The following DIAPH2 variants were observed in gnomAD, a reference collection of about 807,000 sequenced individuals.
The protein encoded by DIAPH2 is diaphanous related formin 2.
Under a neutral mutation model 92.7 loss-of-function variants are expected in DIAPH2, and 35 were observed. That is an observed-to-expected ratio of 0.38 (90% CI 0.29 to 0.50). The LOEUF (loss-of-function observed/expected upper bound fraction) is 0.50. Ranked by LOEUF, DIAPH2 falls within the 20% of genes least tolerant of loss-of-function variation. The pLI is 0.94. For missense variants in DIAPH2, 701 were observed against 819.5 expected (o/e 0.86, Z 1.77); for synonymous variants, 301 against 280.4 (o/e 1.07, Z -0.73).
intron 24 of DIAPH2, among the ~76,000 whole-genome samples, chrX:97,374,161 G>A (rs1324087740): frequency 9.0e-6 from 1 of 111,331 alleles, no homozygotes; most frequent in African/African-American, 3.3e-5. Flanking sequence ...AAATTAAAGG[G>A]TGGGACAGGG....
intron 19 of DIAPH2, among the ~76,000 whole-genome samples, chrX:97,095,437 G>A (rs2066861844): frequency 9.3e-6 from 1 of 107,259 alleles, no homozygotes; most frequent in South Asian, 4.0e-4. Context: ...TTCTTATCTA[G>A]ATTTTTAAAA....
intron 26 of DIAPH2, among the ~76,000 whole-genome samples, chrX:97,566,002 T>G (rs2071324746): frequency 8.9e-6 from 1 of 112,304 alleles, no homozygotes; most frequent in Non-Finnish European, 1.9e-5. Context: ...CAACACTTAG[T>G]ACTATGACGT....
chrX:97,068,538 C>G (rs1366389295), intron 17 of DIAPH2, among the ~76,000 whole-genome samples: 1 of 111,073 alleles, frequency 9.0e-6, no homozygotes, highest in Non-Finnish European at 1.9e-5. Flanking sequence ...ATTCAGAATA[C>G]AGTAGAAAAT....
At chrX:96,852,623 A>G (rs182312244) in intron 4 of DIAPH2, among the ~76,000 whole-genome samples, 2 of 111,482 alleles carry the variant, frequency 1.8e-5, no homozygotes, top group Non-Finnish European at 1.9e-5. Flanking sequence ...TTAGGGCTAG[A>G]GTGAGGGAGG....
intron 22 of DIAPH2, among the ~76,000 whole-genome samples, chrX:97,240,721 G>A (rs1416404358): frequency 9.0e-6 from 1 of 111,202 alleles, no homozygotes; most frequent in Non-Finnish European, 1.9e-5. Flanking sequence ...TTAATTCGTG[G>A]TAGCATGTAT....
chrX:97,109,879 T>C (rs922880053), intron 20 of DIAPH2, among the ~76,000 whole-genome samples: 1 of 111,877 alleles, frequency 8.9e-6, no homozygotes, highest in Non-Finnish European at 1.9e-5. Context: ...TTGTAGGAGA[T>C]GAATCAATGA....
At chrX:97,406,129 TTCCAGTG>T (rs1398294660) in intron 25 of DIAPH2, among the ~76,000 whole-genome samples, 1 of 112,226 alleles carries the variant, frequency 8.9e-6, no homozygotes, top group African/African-American at 3.2e-5. Flanking sequence ...TTTATTTTTG[TTCCAGTG>T]AAACAAAATG....
chrX:96,908,582 A>G (rs1377434670), intron 5 of DIAPH2, among the ~76,000 whole-genome samples: 2 of 110,928 alleles, frequency 1.8e-5, no homozygotes, highest in Non-Finnish European at 1.9e-5. Context: ...ATCTGTTTCA[A>G]CTGGATTCCT....
chrX:97,115,746 A>G (rs2067012421), intron 21 of DIAPH2, among the ~76,000 whole-genome samples: 1 of 111,704 alleles, frequency 9.0e-6, no homozygotes, highest in African/African-American at 3.2e-5. Flanking sequence ...GCATTAACTA[A>G]GAGGTAAAAA....
intron 26 of DIAPH2, among the ~76,000 whole-genome samples, chrX:97,598,897 G>C (rs1309504332): frequency 8.9e-6 from 1 of 112,105 alleles, no homozygotes; most frequent in Non-Finnish European, 1.9e-5. Flanking sequence ...GAATTGAAGT[G>C]CTTTCCAACA....
At chrX:97,025,697 TTACA>T (rs1346298685) in intron 17 of DIAPH2, among the ~76,000 whole-genome samples, 60 of 111,614 alleles carry the variant, frequency 5.4e-4, no homozygotes, top group African/African-American at 1.9e-3. Context: ...AAAAAAAAAG[TTACA>T]TACCCAGAGA....
intron 17 of DIAPH2, among the ~76,000 whole-genome samples, chrX:97,057,797 G>A (rs1304658796): frequency 9.0e-6 from 1 of 111,489 alleles, no homozygotes; most frequent in Admixed American, 9.5e-5. Context: ...TTCATTTGTT[G>A]ACTCAGATAG....
At chrX:97,552,565 CT>C (rs758110409) in intron 26 of DIAPH2, among the ~76,000 whole-genome samples, 2,335 of 95,274 alleles carry the variant, frequency 0.025, 30 homozygotes, top group African/African-American at 0.046. Flanking sequence ...ACACATTTTT[CT>C]TTTTTTTTTT....
At chrX:97,264,241 A>G (rs1413257905) in intron 23 of DIAPH2, among the ~76,000 whole-genome samples, 1 of 111,624 alleles carries the variant, frequency 9.0e-6, no homozygotes, top group Non-Finnish European at 1.9e-5. Flanking sequence ...TATGCCTAGA[A>G]GGCTTTTTTT....
intron 25 of DIAPH2, among the ~76,000 whole-genome samples, chrX:97,420,018 A>G (rs1426552890): frequency 9.0e-6 from 1 of 111,264 alleles, no homozygotes; most frequent in Non-Finnish European, 1.9e-5. Context: ...TTTTTTCCAG[A>G]GGCATAAACT....
At chrX:96,783,283 A>G (rs1421152339) in intron 4 of DIAPH2, among the ~76,000 whole-genome samples, 3 of 112,361 alleles carry the variant, frequency 2.7e-5, no homozygotes, top group African/African-American at 9.7e-5. Flanking sequence ...TTGTTAAGTC[A>G]TTGGTTTAAC....
Position 97,005,331 on chromosome X carries a change from CTATT to C in DIAPH2, c.2050+40126_2050+40129del, listed in dbSNP as rs780200954. ...GAATTTGGAAGTATTCCCTCCTCCT[CTATT>C]TTTTTTTTTTTTGAATATTTTGAGT... On this transcript the variant is annotated intron_variant, in intron 17 of 26. Transcript: ENST00000324765. Among the ~76,000 whole-genome samples, 11 of 96,181 alleles carry C rather than the reference CTATT, an allele frequency of 1.1e-4. No homozygotes were observed. In the East Asian group the frequency reaches 3.0e-3, roughly 26 times the overall value. 83.5% of individuals were successfully genotyped at this position (96,181 alleles called of 115,157 possible).
chrX:96,910,761 A>G (rs1318713223), intron 5 of DIAPH2, among the ~76,000 whole-genome samples: 4 of 111,511 alleles, frequency 3.6e-5, no homozygotes, highest in Non-Finnish European at 7.5e-5. Context: ...ACTATGAAAC[A>G]TAGAAATATT....
intron 17 of DIAPH2, among the ~76,000 whole-genome samples, chrX:97,056,050 A>T: frequency 1.8e-5 from 2 of 111,245 alleles, no homozygotes; most frequent in South Asian, 7.6e-4. Context: ...TTTTCTAGTG[A>T]TCAGCTTGAA....
Sources: gnomAD v4.1 joint callset for allele counts (sites outside exome capture counted in the v4.1 genomes callset) on GRCh38, gnomAD v4.1.1 for gene constraint, MANE v1.5 for transcripts, NCBI Gene and HGNC (gene_info 2026-07-23, HGNC 2026-07-21) for gene names.